PLEKHA2: variants seen among roughly 807,000 people sequenced by gnomAD.
The protein encoded by PLEKHA2 is pleckstrin homology domain-containing family A member 2.
A neutral mutation model predicts 53.2 loss-of-function variants in PLEKHA2; 28 were observed. The ratio of observed to expected loss-of-function variants is 0.53; its 90% CI spans 0.39 to 0.72. The LOEUF is 0.72. PLEKHA2 is among the 30% of genes least tolerant of loss of function. PLEKHA2 has a pLI of 0.00. For synonymous variants in PLEKHA2, 193 were observed against 196.4 expected, an observed-to-expected ratio of 0.98 and a Z score of 0.14; for missense variants, 426 against 537.9, an observed-to-expected ratio of 0.79 and a Z score of 2.06.
chr8:38,965,505 A>G (rs1235067246), intron 10 of PLEKHA2, among the ~76,000 whole-genome samples: 1 of 152,198 alleles, frequency 6.6e-6, no homozygotes, highest in Non-Finnish European at 1.5e-5. Context: ...TTTCTCCCTC[A>G]GCTCATATGC....
At chr8:38,908,980 T>TA (rs1403111849) in intron 1 of PLEKHA2, among the ~76,000 whole-genome samples, 1 of 151,964 alleles carries the variant, frequency 6.6e-6, no homozygotes, top group African/African-American at 2.4e-5. Flanking sequence ...CCATCTCTAC[T>TA]AAAAATACAA....
chr8:38,934,762 C>G (rs570677527), intron 2 of PLEKHA2, among the ~76,000 whole-genome samples: 26 of 152,050 alleles, frequency 1.7e-4, no homozygotes, highest in Non-Finnish European at 3.2e-4. Flanking sequence ...TTATACTGTA[C>G]AGACATCTTT....
At chr8:38,937,784 TCA>T (rs1450098669) in intron 3 of PLEKHA2, among the ~76,000 whole-genome samples, 1 of 152,180 alleles carries the variant, frequency 6.6e-6, no homozygotes, top group Non-Finnish European at 1.5e-5. Context: ...ACATTTAGCC[TCA>T]GAGGCGCTGG....
intron 3 of PLEKHA2, among the ~76,000 whole-genome samples, chr8:38,942,493 C>T (rs968414995): frequency 1.3e-5 from 2 of 152,184 alleles, no homozygotes; most frequent in Admixed American, 1.3e-4. Context: ...GTGGGAACCA[C>T]TCCTGGATCC....
At chr8:38,934,575 G>A (rs941708368) in intron 2 of PLEKHA2, among the ~76,000 whole-genome samples, 2 of 152,070 alleles carry the variant, frequency 1.3e-5, no homozygotes, top group African/African-American at 4.8e-5. Flanking sequence ...AAGCCCCAGG[G>A]CTGTGATTTC....
chr8:38,963,494 T>TA (rs1470089531), intron 10 of PLEKHA2, among the ~76,000 whole-genome samples: 8 of 152,244 alleles, frequency 5.3e-5, no homozygotes, highest in African/African-American at 1.9e-4. Flanking sequence ...TAAAAATAGA[T>TA]ATGTACATAA....
intron 1 of PLEKHA2, among the ~76,000 whole-genome samples, chr8:38,903,683 C>T (rs566231389): frequency 6.6e-6 from 1 of 152,300 alleles, no homozygotes; most frequent in East Asian, 1.9e-4. Flanking sequence ...GTCTCCTGTC[C>T]AATTCATGGG....
chr8:38,950,445 A>G (rs1194297770), intron 5 of PLEKHA2: 3 of 160,338 alleles, frequency 1.9e-5, no homozygotes, highest in East Asian at 3.7e-4. Context: ...GCGCTGCCTC[A>G]GCTCTCTTGA....
At chr8:38,956,087 T>C (rs757385611) in intron 9 of PLEKHA2, among the ~76,000 whole-genome samples, 1 of 152,226 alleles carries the variant, frequency 6.6e-6, no homozygotes, top group Non-Finnish European at 1.5e-5. Context: ...ATTACAGGCG[T>C]AAGCCACTGC....
rs11783243 is a variant in PLEKHA2 at position 38,922,611 on chromosome 8, A to C, written c.141+4541A>C. Among the ~76,000 whole-genome samples, 2 of 152,178 alleles carry C rather than the reference A, an allele frequency of 1.3e-5. No homozygotes were observed. Among genetic ancestry groups the C allele is most frequent in the African/African-American group, 2.4e-5 (1 of 41,448 alleles). On this transcript the variant is annotated intron_variant, in intron 2 of 11. Coordinates refer to ENST00000617275, the MANE Select transcript of PLEKHA2 (RefSeq NM_021623.2). The surrounding 1 kb of genome is among the most constrained non-coding windows in gnomAD (Gnocchi z 4.0). ...ATGTTTTCTTAATTATTTAATAGGC[A>C]GTAATAAGCAGAAGATTTTTGGACC...
At chr8:38,968,498 G>T in intron 10 of PLEKHA2, 94 bp from the exon 11 acceptor site, 1 of 1,202,436 alleles carries the variant, frequency 8.3e-7, no homozygotes, top group Non-Finnish European at 1.2e-6. Flanking sequence ...ACCCCTAATG[G>T]TGTAATTTTA....
Position 38,950,953 on chromosome 8 carries a change from T to C in PLEKHA2, c.449T>C (p.Ile150Thr). ...CCACAGGTGGCCTACAAGACGGAGATCATTGGAGGGGTGGTGGTCCACACA... is the reference window on the plus strand; with the variant it reads ...CCACAGGTGGCCTACAAGACGGAGACCATTGGAGGGGTGGTGGTCCACACA... The part of the protein sequence containing the change: ...KKPQVAYKTE[I>T]IGGVVVHTPI... The change falls in exon 6 of 12, where the codon ATC becomes ACC. Residue 150 changes from isoleucine (I) to threonine (T), a missense_variant. By Grantham distance (89) the Ile-to-Thr change is moderately conservative. Transcript: ENST00000617275. 5 of 1,613,750 alleles carry C rather than the reference T, an allele frequency of 3.1e-6. No individual in the cohort carries two copies. The highest frequency in any genetic ancestry group is 4.2e-6 in the Non-Finnish European group (5 of 1,179,824).
At chr8:38,951,855 G>A (rs1588269211) in intron 6 of PLEKHA2, among the ~76,000 whole-genome samples, 1 of 151,752 alleles carries the variant, frequency 6.6e-6, no homozygotes, top group East Asian at 1.9e-4. Flanking sequence ...TACACGCCTG[G>A]GTAATTCTTT....
chr8:38,903,700 G>A (rs1242515555), intron 1 of PLEKHA2, among the ~76,000 whole-genome samples: 1 of 152,178 alleles, frequency 6.6e-6, no homozygotes, highest in Non-Finnish European at 1.5e-5. Flanking sequence ...TGGGACAGAT[G>A]GACAGGTGGG....
chr8:38,929,980 A>G (rs1169674052), intron 2 of PLEKHA2, among the ~76,000 whole-genome samples: 2 of 152,204 alleles, frequency 1.3e-5, no homozygotes, highest in Admixed American at 1.3e-4. Flanking sequence ...TTCTTCAACA[A>G]GAAATACTGC....
At chr8:38,954,326 C>T (rs983079352) in intron 9 of PLEKHA2, among the ~76,000 whole-genome samples, 3 of 152,182 alleles carry the variant, frequency 2.0e-5, no homozygotes, top group South Asian at 2.1e-4. Flanking sequence ...ATTTATAATT[C>T]GGGAAAGTAG....
At chr8:38,929,391 T>A (rs1834347513) in intron 2 of PLEKHA2, among the ~76,000 whole-genome samples, 1 of 152,266 alleles carries the variant, frequency 6.6e-6, no homozygotes, top group Non-Finnish European at 1.5e-5. Flanking sequence ...GGGCCTCTTT[T>A]GGTGTAACCC....
intron 2 of PLEKHA2, among the ~76,000 whole-genome samples, chr8:38,925,373 A>T (rs187715329): frequency 6.9e-4 from 105 of 152,354 alleles, no homozygotes; most frequent in Middle Eastern, 3.4e-3. Context: ...CACTTTCTAA[A>T]GTCCACTTGG....
intron 2 of PLEKHA2, among the ~76,000 whole-genome samples, chr8:38,930,590 T>G (rs1834373554): frequency 6.6e-6 from 1 of 152,206 alleles, no homozygotes; most frequent in Admixed American, 6.5e-5. Context: ...TACAGACCAC[T>G]CCTGACTTGT....
Sources: gnomAD v4.1 joint callset for allele counts (sites outside exome capture counted in the v4.1 genomes callset) on GRCh38, gnomAD v4.1.1 for gene constraint, Gnocchi (gnomAD v3.1) non-coding constraint, MANE v1.5 for transcripts, NCBI Gene and HGNC (gene_info 2026-07-23, HGNC 2026-07-21) for gene names.